The following CDH13 variants were observed in gnomAD, a reference collection of about 807,000 sequenced individuals.
The protein encoded by CDH13 is cadherin 13, also known as cadherin-13.
CDH13 carries 24 observed loss-of-function variants against 63.8 expected under a neutral mutation model. The observed-to-expected ratio is 0.38, with a 90% CI of 0.27 to 0.53. The LOEUF (loss-of-function observed/expected upper bound fraction) is 0.53, where lower values mean the gene tolerates loss of function less well. Ranked by LOEUF, CDH13 falls within the 20% of genes least tolerant of loss-of-function variation. The probability of loss-of-function intolerance (pLI) is 0.85; values close to 1 mark genes in which losing one functional copy is unlikely to be tolerated. For synonymous variants in CDH13, 503 were observed against 355.3 expected (o/e 1.42, Z -4.67); for missense variants, 1,049 against 903.1 (o/e 1.16, Z -2.07).
intron 3 of CDH13, among the ~76,000 whole-genome samples, chr16:83,113,650 A>G (rs972795212): frequency 1.3e-5 from 2 of 152,212 alleles, no homozygotes; most frequent in South Asian, 2.1e-4. Context: ...AGTGCAGCCA[A>G]TCCTCATAGC....
intron 6 of CDH13, among the ~76,000 whole-genome samples, chr16:83,395,096 C>G (rs952057728): frequency 6.9e-6 from 1 of 145,180 alleles, no homozygotes; most frequent in Non-Finnish European, 1.5e-5. Context: ...TGCAGTGAGC[C>G]AAGATCGTGC....
At chr16:83,437,663 C>G (rs990578928) in intron 6 of CDH13, among the ~76,000 whole-genome samples, 1 of 151,920 alleles carries the variant, frequency 6.6e-6, no homozygotes, top group Non-Finnish European at 1.5e-5. Flanking sequence ...GGAGACAGAG[C>G]AAGATCCTGT....
chr16:83,199,566 G>GC (rs1327186101), intron 4 of CDH13, among the ~76,000 whole-genome samples: 1 of 152,224 alleles, frequency 6.6e-6, no homozygotes, highest in Non-Finnish European at 1.5e-5. Flanking sequence ...ACAGTACGTG[G>GC]CCTGCACAAG....
chr16:82,630,502 T>C (rs1259917559), intron 1 of CDH13, among the ~76,000 whole-genome samples: 1 of 152,196 alleles, frequency 6.6e-6, no homozygotes, highest in Non-Finnish European at 1.5e-5. Context: ...AGCCCTTGGG[T>C]TTTCCGTTAA....
At chr16:82,797,358 C>T (rs868852540) in intron 1 of CDH13, among the ~76,000 whole-genome samples, 3 of 152,152 alleles carry the variant, frequency 2.0e-5, no homozygotes, top group Non-Finnish European at 4.4e-5. Context: ...GAAAGAGCAT[C>T]GCCACCATGC....
intron 5 of CDH13, among the ~76,000 whole-genome samples, chr16:83,316,803 A>G (rs2090115072): frequency 1.3e-5 from 2 of 152,166 alleles, no homozygotes; most frequent in African/African-American, 4.8e-5. Context: ...CAACTTCAAA[A>G]TCACACTGGC....
At chr16:83,125,668 G>A (rs2035776450) in intron 4 of CDH13, among the ~76,000 whole-genome samples, 167 bp downstream of exon 4, 1 of 152,206 alleles carries the variant, frequency 6.6e-6, no homozygotes, top group African/African-American at 2.4e-5. Context: ...TCATTCATAT[G>A]CAAAAGAGGA....
At chr16:82,885,899 G>A (rs2040871452) in intron 2 of CDH13, among the ~76,000 whole-genome samples, 1 of 152,130 alleles carries the variant, frequency 6.6e-6, no homozygotes, top group African/African-American at 2.4e-5. Flanking sequence ...ACTTGACAAA[G>A]TGCCTGGCAT....
intron 7 of CDH13, among the ~76,000 whole-genome samples, chr16:83,581,654 C>A (rs958953942): frequency 6.6e-6 from 1 of 152,072 alleles, no homozygotes; most frequent in Non-Finnish European, 1.5e-5. Flanking sequence ...CCCGTCTCTA[C>A]AACAAAATGC....
intron 10 of CDH13, among the ~76,000 whole-genome samples, chr16:83,709,440 C>T (rs1182698188): frequency 1.3e-5 from 2 of 152,246 alleles, no homozygotes; most frequent in African/African-American, 2.4e-5. Flanking sequence ...CATCCATGCA[C>T]ACCCCAAGTT....
At chr16:83,766,156 T>C (rs886190210) in intron 11 of CDH13, among the ~76,000 whole-genome samples, 1 of 152,214 alleles carries the variant, frequency 6.6e-6, no homozygotes, top group African/African-American at 2.4e-5. Context: ...CACCCTGTTC[T>C]GAGTCCCAGC....
chr16:83,383,577 T>G (rs1353651484), intron 6 of CDH13, among the ~76,000 whole-genome samples: 1 of 152,184 alleles, frequency 6.6e-6, no homozygotes, highest in Non-Finnish European at 1.5e-5. Flanking sequence ...CATTAGTATA[T>G]TCATTCATTT....
intron 1 of CDH13, among the ~76,000 whole-genome samples, chr16:82,636,315 A>C (rs773733277): frequency 6.6e-6 from 1 of 151,838 alleles, no homozygotes; most frequent in Non-Finnish European, 1.5e-5. Flanking sequence ...CAGGCTGCAG[A>C]ACGTTCCTGG....
intron 5 of CDH13, among the ~76,000 whole-genome samples, chr16:83,281,737 C>T (rs2089181394): frequency 6.7e-6 from 1 of 150,128 alleles, no homozygotes; most frequent in South Asian, 2.1e-4. Flanking sequence ...AGTAAAACCT[C>T]ATCTGTGCTT....
At chr16:82,899,935 G>A (rs1471266137) in intron 2 of CDH13, among the ~76,000 whole-genome samples, 1 of 152,188 alleles carries the variant, frequency 6.6e-6, no homozygotes, top group African/African-American at 2.4e-5. Flanking sequence ...GGGCAGAGCA[G>A]TTGCCAGTTT....
At position 83,091,399 on chromosome 16, in the gene CDH13, C is replaced by G. The variant is rs544621120; in HGVS notation, c.367-33986C>G. Among the ~76,000 whole-genome samples the G allele has an allele frequency of 3.3e-5, 5 of 152,268 alleles. No individual in the cohort carries two copies. The South Asian group carries it at 1.0e-3, about 32-fold the overall frequency. ...AATGTAGTTTGAGAAGCCCAATGAC[C>G]AAATCATGAGATGTTGCCATTCTCT... is the stretch of plus-strand genomic sequence containing the variant. On this transcript the variant is annotated intron_variant, in intron 3 of 13. Coordinates refer to ENST00000567109, the MANE Select transcript of CDH13 (RefSeq NM_001257.5).
intron 2 of CDH13, among the ~76,000 whole-genome samples, chr16:82,910,621 C>G (rs915960941): frequency 6.6e-6 from 1 of 152,182 alleles, no homozygotes; most frequent in Non-Finnish European, 1.5e-5. Flanking sequence ...TTCGTTCTGT[C>G]CTATAAGAAG....
chr16:82,889,672 C>T (rs1415944052), intron 2 of CDH13, among the ~76,000 whole-genome samples: 6 of 152,128 alleles, frequency 3.9e-5, no homozygotes, highest in Admixed American at 6.5e-5. Context: ...TTCTATGATG[C>T]GTTCTGACAG....
intron 7 of CDH13, among the ~76,000 whole-genome samples, chr16:83,553,108 T>C (rs547469270): frequency 3.2e-4 from 48 of 152,120 alleles, no homozygotes; most frequent in African/African-American, 9.9e-4. Flanking sequence ...ACTGTGGTTA[T>C]TGTAAACATT....
Sources: gnomAD v4.1 joint callset for allele counts (sites outside exome capture counted in the v4.1 genomes callset) on GRCh38, gnomAD v4.1.1 for gene constraint, MANE v1.5 for transcripts, NCBI Gene and HGNC (gene_info 2026-07-23, HGNC 2026-07-21) for gene names.